Variants in MTA1 observed in about 807,000 individuals in gnomAD.
The protein encoded by MTA1 is metastasis associated 1.
In MTA1, 15 loss-of-function variants were observed where a neutral mutation model predicts 97.0. The observed-to-expected ratio is 0.15, with a 90% CI of 0.10 to 0.24. MTA1 has a LOEUF of 0.24. MTA1 is among the 10% of genes least tolerant of loss of function. MTA1 has a pLI of 1.00. For missense variants in MTA1, 709 were observed against 1,015.1 expected, an observed-to-expected ratio of 0.70 and a Z score of 4.10; for synonymous variants, 435 against 417.5, an observed-to-expected ratio of 1.04 and a Z score of -0.51.
chr14:105,450,319 C>G lies in MTA1; in HGVS notation c.427C>G (p.Arg143Gly). 1 of 1,602,656 alleles carries G rather than the reference C, an allele frequency of 6.2e-7. No individual in the cohort carries two copies. Among genetic ancestry groups the G allele is most frequent in the Non-Finnish European group, 8.5e-7 (1 of 1,171,702 alleles). ...ETESLKSYLE[R>G]EDFFFYSLVY... ...CGAGTCGCTCAAGTCCTACCTGGAGCGGGAGGTGAGGCCCAGCCCGGCCTG... is the reference window on the plus strand; with the variant it reads ...CGAGTCGCTCAAGTCCTACCTGGAGGGGGAGGTGAGGCCCAGCCCGGCCTG... Residue 143 changes from arginine to glycine, a missense_variant, in exon 6 of 21, where the codon CGG (arginine) becomes GGG (glycine). Arg to Gly is a moderately radical substitution (Grantham distance 125). Around this residue, in one of 2 missense-constraint regions of MTA1, gnomAD observed 321 missense variants for 593.5 expected, o/e 0.54. Transcript: ENST00000331320.
intron 1 of MTA1, among the ~76,000 whole-genome samples, chr14:105,429,501 G>T (rs1555422953): frequency 3.3e-5 from 5 of 150,992 alleles, no homozygotes; most frequent in Non-Finnish European, 5.9e-5. Flanking sequence ...ACCCAGGCTG[G>T]AGTGCAGTGG....
chr14:105,432,203 AG>A (rs1414021967), intron 1 of MTA1, among the ~76,000 whole-genome samples: 2 of 152,064 alleles, frequency 1.3e-5, no homozygotes, highest in African/African-American at 4.8e-5. Context: ...ATGAGTTGGC[AG>A]TGGTGAAGTT....
rs142901976 is a variant in MTA1, at chr14:105,450,052, C to T, written c.242-6C>T. ...GCGGTGCTGACAGGGGCTCCTTGTC[C>T]TTCAGGGGAAATAGAAGAGGAAATG... is the stretch of plus-strand genomic sequence containing the variant. On this transcript the variant is annotated splice_polypyrimidine_tract_variant and splice_region_variant and intron_variant, in intron 4 of 20. Transcript: ENST00000331320. 44 of 1,613,500 alleles carry T rather than the reference C, an allele frequency of 2.7e-5. No individual in the cohort carries two copies. Among genetic ancestry groups the T allele is most frequent in the Non-Finnish European group, 3.6e-5 (43 of 1,179,870 alleles).
At position 105,466,300 on chromosome 14, in the gene MTA1, G is replaced by A. The variant is rs995826646; in HGVS notation, c.1625-126G>A. The A allele has an allele frequency of 2.2e-5, 17 of 761,660 alleles. No homozygotes were observed. The African/African-American group carries it at 3.7e-4, about 16-fold the overall frequency. The allele number at this position is 761,660 out of a possible 1,614,324, so 47.2% of individuals were successfully genotyped here. A position where few individuals can be genotyped will look rare whatever the true frequency, so the allele number is the denominator to read the frequency against. ...TCCAGCCCAGTCAGGATGGGGCCTC[G>A]GGTGGGGGCCGCATGGGGCTTAGTT... On this transcript the variant is annotated intron_variant, in intron 16 of 20. Coordinates refer to ENST00000331320, the MANE Select transcript of MTA1 (RefSeq NM_004689.4).
intron 10 of MTA1, among the ~76,000 whole-genome samples, chr14:105,461,641 C>A (rs1198726096): frequency 6.6e-6 from 1 of 152,174 alleles, no homozygotes; most frequent in East Asian, 1.9e-4. Flanking sequence ...CGGGCAGCAG[C>A]GCACAGGCCA....
intron 2 of MTA1, among the ~76,000 whole-genome samples, chr14:105,441,450 G>A (rs2141497936): frequency 6.6e-6 from 1 of 152,214 alleles, no homozygotes; most frequent in East Asian, 1.9e-4. Flanking sequence ...CAAGGCGTAT[G>A]GGGCGGGGCG....
chr14:105,457,563 G>T (rs73362037), intron 7 of MTA1, among the ~76,000 whole-genome samples: 85 of 152,394 alleles, frequency 5.6e-4, no homozygotes, highest in African/African-American at 1.8e-3. Context: ...GGTCCCTGGA[G>T]GTGGTCTGCC....
At chr14:105,423,072 G>A (rs2081896832) in intron 1 of MTA1, among the ~76,000 whole-genome samples, 1 of 152,176 alleles carries the variant, frequency 6.6e-6, no homozygotes, top group Admixed American at 6.6e-5. Flanking sequence ...AGGACAGCAG[G>A]AATCGGTGCC....
chr14:105,459,956 A>C (rs111441226), intron 8 of MTA1, among the ~76,000 whole-genome samples: 3 of 28,914 alleles, frequency 1.0e-4, no homozygotes, highest in African/African-American at 3.7e-4. Context: ...TGCCTGGGGG[A>C]AGTCCGTGCT....
chr14:105,430,311 T>C (rs1353873140), intron 1 of MTA1, among the ~76,000 whole-genome samples: 1 of 152,064 alleles, frequency 6.6e-6, no homozygotes, highest in Non-Finnish European at 1.5e-5. Context: ...TCTCAGGGAA[T>C]AGAGAGGCCC....
intron 1 of MTA1, among the ~76,000 whole-genome samples, chr14:105,431,220 G>T (rs918477806): frequency 6.6e-6 from 1 of 151,824 alleles, no homozygotes; most frequent in Admixed American, 6.6e-5. Context: ...CCACCACCAC[G>T]CACAGTTAAT....
rs2083483088 is a variant in MTA1 at position 105,464,424 on chromosome 14, T to C, written c.1201T>C (p.Ser401Pro). ...RACESCYTTQ[S>P]YQWYSWGPPN... ...AACTTTGTTGTCCGTAGCCACACAGTCTTACCAGTGGTATTCTTGGGGTCC... is the reference window on the plus strand; with the variant it reads ...AACTTTGTTGTCCGTAGCCACACAGCCTTACCAGTGGTATTCTTGGGGTCC... The change falls in exon 14 of 21, where the codon TCT becomes CCT. Residue 401 changes from serine to proline, a missense_variant. Coordinates refer to ENST00000331320, the MANE Select transcript of MTA1 (RefSeq NM_004689.4). 6.2e-7 allele frequency: 1 copy of C among 1,613,530 alleles called. No homozygotes were observed. Among genetic ancestry groups the C allele is most frequent in the Non-Finnish European group, 8.5e-7 (1 of 1,179,892 alleles).
In MTA1 at chr14:105,463,788, G is replaced by A. The variant is rs924133633; in HGVS notation, c.1076+237G>A. On this transcript the variant is annotated intron_variant, in intron 12 of 20. Transcript: ENST00000331320. The surrounding 1 kb of genome is among the most constrained non-coding windows in gnomAD (Gnocchi z 5.9). ...GGGCATTGGGATTCCAGCCCACACC[G>A]CCAGGGTTCAGTCCCTGAGCTGGGC... is the stretch of plus-strand genomic sequence containing the variant. 169 of 622,182 alleles carry A rather than the reference G, an allele frequency of 2.7e-4. No individual in the cohort carries two copies. The East Asian group carries it at 3.5e-3, about 13-fold the overall frequency. 38.5% of individuals were successfully genotyped at this position (622,182 alleles called of 1,614,324 possible).
At chr14:105,455,061 A>AC (rs2083089780) in intron 7 of MTA1, among the ~76,000 whole-genome samples, 2 of 150,176 alleles carry the variant, frequency 1.3e-5, no homozygotes, top group African/African-American at 2.5e-5. Flanking sequence ...GCACCACCAC[A>AC]CCCCCCTAGT....
chr14:105,427,813 A>C (rs895807759), intron 1 of MTA1, among the ~76,000 whole-genome samples: 4 of 151,998 alleles, frequency 2.6e-5, no homozygotes, highest in Admixed American at 2.0e-4. Context: ...TGAGCTCAGG[A>C]GTTTGAGACC....
intron 7 of MTA1, 29 bp downstream of exon 7, chr14:105,454,339 C>T: frequency 1.3e-6 from 2 of 1,520,462 alleles, no homozygotes; most frequent in Non-Finnish European, 1.8e-6. Context: ...GGCATGGAGC[C>T]CTCTGTCCTG....
chr14:105,468,438 A>T (rs1439448578), intron 18 of MTA1: 1 of 1,204,302 alleles, frequency 8.3e-7, no homozygotes. Flanking sequence ...CCTGCTTGGG[A>T]GCGCCGCAGA....
chr14:105,447,687 G>A (rs1362620589), intron 3 of MTA1, among the ~76,000 whole-genome samples: 1 of 152,164 alleles, frequency 6.6e-6, no homozygotes, highest in Admixed American at 6.5e-5. Context: ...TCTGCAGGGC[G>A]TTCCTATGAA....
intron 3 of MTA1, 181 bp from the exon 4 acceptor site, chr14:105,449,178 G>A (rs587683573): frequency 1.4e-5 from 8 of 564,830 alleles, no homozygotes; most frequent in Admixed American, 9.9e-5. Flanking sequence ...CAGCCAGAGT[G>A]GGGGGACGTC....
Sources: gnomAD v4.1 joint callset for allele counts (sites outside exome capture counted in the v4.1 genomes callset) on GRCh38, gnomAD v4.1.1 for gene constraint, gnomAD v4.1.1 regional missense constraint, Gnocchi (gnomAD v3.1) non-coding constraint, MANE v1.5 for transcripts, NCBI Gene and HGNC (gene_info 2026-07-23, HGNC 2026-07-21) for gene names.